The following MED15 variants were observed in gnomAD, a reference collection of about 807,000 sequenced individuals.
MED15 encodes the protein mediator of RNA polymerase II transcription subunit 15.
In MED15, 41 loss-of-function variants were observed where a neutral mutation model predicts 118.7. That is an observed-to-expected ratio of 0.35 (90% CI 0.27 to 0.45). The LOEUF (loss-of-function observed/expected upper bound fraction) is 0.45. Among genes scored for constraint, MED15 ranks in the 20% least tolerant of loss-of-function variants. MED15 has a pLI of 1.00. For missense variants in MED15, 740 were observed against 1,025.5 expected, an observed-to-expected ratio of 0.72 and a Z score of 3.80; for synonymous variants, 436 against 413.9, an observed-to-expected ratio of 1.05 and a Z score of -0.65.
chr22:20,547,498 A>T (rs1277795018), intron 2 of MED15, among the ~76,000 whole-genome samples: 1 of 152,206 alleles, frequency 6.6e-6, no homozygotes, highest in Admixed American at 6.5e-5. Flanking sequence ...AAGCCGGCCA[A>T]CATGGCAAAA....
At chr22:20,585,856 AC>A in intron 17 of MED15, 30 bp downstream of exon 17, 1 of 1,601,186 alleles carries the variant, frequency 6.2e-7, no homozygotes, top group Admixed American at 1.7e-5. Flanking sequence ...CTGTCTGGGG[AC>A]CCAGGGCAAG....
rs943769918 is a variant in MED15 at position 20,529,154 on chromosome 22, T to G, written c.69-7963T>G. 8.5e-5 allele frequency among the ~76,000 whole-genome samples: 13 copies of G among 152,210 alleles called. 1 individual carries two copies. In the South Asian group the frequency reaches 1.2e-3, roughly 15 times the overall value. ...AGGCCACCATTTCCATTCTTCCTGG[T>G]TTTTTTTTCTGTGGTTTTAGTCAGG... On this transcript the variant is annotated intron_variant, in intron 1 of 17. Transcript: ENST00000263205.
At chr22:20,543,111 TTGTGTGTGTGTG>T (rs61279859) in intron 2 of MED15, among the ~76,000 whole-genome samples, 52 of 141,274 alleles carry the variant, frequency 3.7e-4, no homozygotes, top group African/African-American at 1.0e-3. Context: ...TCTCTCTTCT[TTGTGTGTGTGTG>T]TGTGTGTGTG....
At position 20,517,161 on chromosome 22, in the gene MED15, C is replaced by G. The variant is rs113915719; in HGVS notation, c.68+9415C>G. On this transcript the variant is annotated intron_variant, in intron 1 of 17. Coordinates refer to ENST00000263205, the MANE Select transcript of MED15 (RefSeq NM_001003891.3). ...GTTTGTTGCCCAGGCTGGTCTTGAA[C>G]TCTTGGCCTCAAGTGAGCCTCCTGC... Among the ~76,000 whole-genome samples, 29 of 151,582 alleles carry G rather than the reference C, an allele frequency of 1.9e-4. 1 individual carries two copies. Among genetic ancestry groups the G allele is most frequent in the African/African-American group, 7.0e-4 (29 of 41,294 alleles).
At chr22:20,561,526 AAAAGG>A in intron 5 of MED15, among the ~76,000 whole-genome samples, 1 of 152,162 alleles carries the variant, frequency 6.6e-6, no homozygotes, top group Non-Finnish European at 1.5e-5. Flanking sequence ...CTCAAAAAAA[AAAAGG>A]AAAGGAAAGA....
intron 1 of MED15, among the ~76,000 whole-genome samples, chr22:20,527,234 CTT>C (rs2054677095): frequency 1.3e-5 from 2 of 152,122 alleles, no homozygotes; most frequent in African/African-American, 4.8e-5. Flanking sequence ...CTAGTTTTAT[CTT>C]TTATCTCCTG....
At chr22:20,543,651 A>G (rs1022619346) in intron 2 of MED15, among the ~76,000 whole-genome samples, 3 of 145,506 alleles carry the variant, frequency 2.1e-5, no homozygotes, top group African/African-American at 7.7e-5. Context: ...CCCACCTCCC[A>G]GGTTCAAGTG....
intron 1 of MED15, among the ~76,000 whole-genome samples, chr22:20,536,227 C>T (rs1020054995): frequency 6.6e-6 from 1 of 152,088 alleles, no homozygotes; most frequent in Non-Finnish European, 1.5e-5. Context: ...AAGGAAGAGA[C>T]CCATCCCACT....
intron 9 of MED15, among the ~76,000 whole-genome samples, chr22:20,576,320 C>T (rs1239767964): frequency 6.6e-6 from 1 of 152,250 alleles, no homozygotes; most frequent in Non-Finnish European, 1.5e-5. Context: ...CATCCCTGAA[C>T]GCCCAGGTGC....
rs757756933 is a variant in MED15 at position 20,587,082 on chromosome 22, C to A, written c.*378C>A. 3.8e-6 allele frequency: 1 copy of A among 265,004 alleles called. No homozygotes were observed. The highest frequency in any genetic ancestry group is 7.2e-5 in the East Asian group (1 of 13,902). The allele number at this position is 265,004 out of a possible 1,614,324, so 16.4% of individuals were successfully genotyped here. A position where few individuals can be genotyped will look rare whatever the true frequency, so the allele number is the denominator to read the frequency against. On this transcript the variant is annotated 3_prime_UTR_variant, in exon 18 of 18. Coordinates refer to ENST00000263205, the MANE Select transcript of MED15 (RefSeq NM_001003891.3). Reference sequence around the variant, plus strand: ...CGTGTGTGCTAGACGCACCCCTACTCGTTCCTATAGAACACAGAGGACATA... The same window carrying A: ...CGTGTGTGCTAGACGCACCCCTACTAGTTCCTATAGAACACAGAGGACATA...
intron 2 of MED15, among the ~76,000 whole-genome samples, chr22:20,550,288 C>T (rs2055717606): frequency 6.6e-6 from 1 of 152,208 alleles, no homozygotes; most frequent in Admixed American, 6.5e-5. Flanking sequence ...GTTGACAGAA[C>T]TGCCTTGGTG....
At chr22:20,573,796 T>G (rs1454117532) in intron 8 of MED15, 1 of 152,238 alleles carries the variant, frequency 6.6e-6, no homozygotes, top group Non-Finnish European at 1.5e-5. Context: ...CTTTTCTCCC[T>G]TGTGGAACGA....
chr22:20,535,934 G>A (rs750474068), intron 1 of MED15, among the ~76,000 whole-genome samples: 2 of 145,458 alleles, frequency 1.4e-5, no homozygotes, highest in East Asian at 2.1e-4. Context: ...CTGGAGTGCA[G>A]TGGCGCAATC....
chr22:20,564,240 A>G lies in MED15; in HGVS notation c.452-210A>G, dbSNP rs16988525. On this transcript the variant is annotated intron_variant, in intron 5 of 17. Coordinates refer to ENST00000263205, the MANE Select transcript of MED15 (RefSeq NM_001003891.3). ...CCCTTTTCTTTTGTCTTTGGTTATT[A>G]TAGAGTAACTCATGATAGGAAATCC... Among the ~76,000 whole-genome samples, 1,223 of 152,326 alleles carry G rather than the reference A, an allele frequency of 8.0e-3. 17 individuals carry two copies. Among genetic ancestry groups the G allele is most frequent in the African/African-American group, 0.027 (1,131 of 41,562 alleles).
chr22:20,561,678 AACAC>A (rs1335099564), intron 5 of MED15, among the ~76,000 whole-genome samples: 1 of 152,190 alleles, frequency 6.6e-6, no homozygotes, highest in Non-Finnish European at 1.5e-5. Flanking sequence ...TGTTAGAAGA[AACAC>A]ACACCTACAA....
At chr22:20,557,358 C>T (rs1261023197) in intron 5 of MED15, among the ~76,000 whole-genome samples, 1 of 152,222 alleles carries the variant, frequency 6.6e-6, no homozygotes, top group East Asian at 1.9e-4. Flanking sequence ...CTTCCCTTCT[C>T]ATACCTTAAT....
At chr22:20,545,388 A>G (rs1187059006) in intron 2 of MED15, among the ~76,000 whole-genome samples, 1 of 149,840 alleles carries the variant, frequency 6.7e-6, no homozygotes, top group Non-Finnish European at 1.5e-5. Flanking sequence ...GTGAGGCAGG[A>G]GAATCACTTG....
intron 2 of MED15, among the ~76,000 whole-genome samples, chr22:20,545,209 G>A (rs1311421222): frequency 6.6e-6 from 1 of 152,160 alleles, no homozygotes; most frequent in East Asian, 1.9e-4. Context: ...GCCAGGCACG[G>A]TGGCCCATGC....
intron 5 of MED15, among the ~76,000 whole-genome samples, chr22:20,563,509 T>C (rs1173402243): frequency 1.3e-5 from 2 of 152,072 alleles, no homozygotes; most frequent in African/African-American, 4.8e-5. Context: ...GTTGCCAGAG[T>C]TTGCGGGTCA....
Sources: allele counts gnomAD v4.1 joint callset (sites outside exome capture counted in the v4.1 genomes callset), GRCh38; gene constraint gnomAD v4.1.1; transcripts MANE v1.5; gene names NCBI Gene and HGNC (gene_info 2026-07-23, HGNC 2026-07-21).